Variants in MYO16 observed in about 807,000 individuals in gnomAD.
The protein encoded by MYO16 is myosin XVI, also known as unconventional myosin-XVI.
In MYO16, 94 loss-of-function variants were observed where a neutral mutation model predicts 205.3. The observed-to-expected ratio is 0.46, with a 90% confidence interval of 0.39 to 0.54. The LOEUF is 0.54. MYO16 is among the 20% of genes least tolerant of loss of function. The pLI is 0.00. For synonymous variants in MYO16, 988 were observed against 954.0 expected, an observed-to-expected ratio of 1.04 and a Z score of -0.66; for missense variants, 2,315 against 2,387.5, an observed-to-expected ratio of 0.97 and a Z score of 0.63.
intron 20 of MYO16, among the ~76,000 whole-genome samples, chr13:108,991,134 A>G (rs1196523794): frequency 6.6e-6 from 1 of 152,180 alleles, no homozygotes; most frequent in African/African-American, 2.4e-5. Flanking sequence ...CCCCTCCCAG[A>G]AATTCCAGAA....
At chr13:109,014,825 C>T (rs1395524448) in intron 22 of MYO16, among the ~76,000 whole-genome samples, 1 of 152,208 alleles carries the variant, frequency 6.6e-6, no homozygotes, top group African/African-American at 2.4e-5. Flanking sequence ...TATCCTGAGG[C>T]TTTGCTGAAA....
At chr13:108,898,945 C>T (rs1347344594) in intron 15 of MYO16, among the ~76,000 whole-genome samples, 2 of 151,966 alleles carry the variant, frequency 1.3e-5, no homozygotes, top group African/African-American at 2.4e-5. Context: ...TAAACATTTG[C>T]CAATTATTAT....
the MYO16 span, among the ~76,000 whole-genome samples, chr13:108,496,913 C>G: frequency 1.3e-5 from 2 of 152,182 alleles, no homozygotes; most frequent in African/African-American, 4.8e-5. Flanking sequence ...CTGCGTCTTC[C>G]AAAGGCAGAA....
chr13:108,782,943 G>A (rs188557143), intron 4 of MYO16, among the ~76,000 whole-genome samples: 16 of 152,318 alleles, frequency 1.1e-4, no homozygotes, highest in African/African-American at 3.8e-4. Flanking sequence ...TTTGCTGCAG[G>A]GGCGAGGCCC....
At chr13:108,534,295 T>G in the MYO16 span, among the ~76,000 whole-genome samples, 1 of 152,196 alleles carries the variant, frequency 6.6e-6, no homozygotes, top group African/African-American at 2.4e-5. Flanking sequence ...TTTCTACATA[T>G]TGTTATTGAA....
chr13:108,998,462 A>G (rs543443050), intron 21 of MYO16, among the ~76,000 whole-genome samples: 2 of 152,202 alleles, frequency 1.3e-5, no homozygotes, highest in African/African-American at 4.8e-5. Flanking sequence ...TATAAATTAG[A>G]TTTTCTCTGG....
intron 34 of MYO16, among the ~76,000 whole-genome samples, chr13:109,182,802 G>A (rs1393217649): frequency 1.3e-5 from 2 of 152,272 alleles, no homozygotes; most frequent in East Asian, 3.9e-4. Flanking sequence ...ATGTTGTACT[G>A]CATTATAACT....
the MYO16 span, among the ~76,000 whole-genome samples, chr13:108,503,536 G>A: frequency 6.6e-6 from 1 of 152,036 alleles, no homozygotes; most frequent in Non-Finnish European, 1.5e-5. Flanking sequence ...GCTCTTTGAA[G>A]ATCATTCAAG....
chr13:108,711,517 G>A (rs1038919399), intron 2 of MYO16, among the ~76,000 whole-genome samples: 16 of 152,174 alleles, frequency 1.1e-4, no homozygotes, highest in African/African-American at 2.9e-4. Context: ...GCTCACAGGC[G>A]GAGGCCTGTC....
At position 108,962,411 on chromosome 13, in the gene MYO16, G is replaced by T. The variant is rs1883623672; in HGVS notation, c.2156-13G>T. The T allele has an allele frequency of 6.3e-7, 1 of 1,597,740 alleles. No individual in the cohort carries two copies. Among genetic ancestry groups the T allele is most frequent in the Non-Finnish European group, 8.5e-7 (1 of 1,171,246 alleles). ...ATACTAACTTTATGTTTATAATGCT[G>T]ATTTAATTTTAGTGGCTGGAATGTT... On this transcript the variant is annotated splice_polypyrimidine_tract_variant and intron_variant, in intron 18 of 34. Coordinates refer to ENST00000457511, the MANE Select transcript of MYO16 (RefSeq NM_001198950.3).
At chr13:108,791,524 T>C (rs919182980) in intron 5 of MYO16, among the ~76,000 whole-genome samples, 4 of 152,222 alleles carry the variant, frequency 2.6e-5, no homozygotes, top group African/African-American at 9.6e-5. Context: ...CAACACCATT[T>C]TGCAGTTGAA....
At chr13:108,897,338 G>T (rs1880471753) in intron 14 of MYO16, among the ~76,000 whole-genome samples, 1 of 152,120 alleles carries the variant, frequency 6.6e-6, no homozygotes, top group Admixed American at 6.5e-5. Flanking sequence ...AAGAATTTCA[G>T]CCCCCAGGGT....
At position 108,675,711 on chromosome 13, in the gene MYO16, G is replaced by C. The variant is rs1204235662; in HGVS notation, c.292+9562G>C. On this transcript the variant is annotated intron_variant, in intron 2 of 34. Transcript: ENST00000457511. ...ATGAGTTTGGTAGGAAGAGAGAAAG[G>C]GACTTTTTGGCTGTAATCAATAGCG... 2.0e-5 allele frequency among the ~76,000 whole-genome samples: 3 copies of C among 152,280 alleles called. No individual in the cohort carries two copies. The East Asian group carries it at 5.8e-4, about 29-fold the overall frequency.
chr13:109,023,649 ATGTATATATGTATATATG>A (rs1886214861), intron 23 of MYO16, among the ~76,000 whole-genome samples: 1 of 129,064 alleles, frequency 7.7e-6, no homozygotes, highest in Non-Finnish European at 1.6e-5. Flanking sequence ...ATACAAATAT[ATGTATATATGTATATATG>A]CAAATATATG....
At position 109,125,483 on chromosome 13, in the gene MYO16, G is replaced by A. The variant is rs1259475678; in HGVS notation, c.3782+125G>A. The A allele has an allele frequency of 1.1e-5, 14 of 1,311,666 alleles. No homozygotes were observed. Among genetic ancestry groups the A allele is most frequent in the Admixed American group, 9.7e-5 (4 of 41,422 alleles). The allele number at this position is 1,311,666 out of a possible 1,614,324, so 81.3% of individuals were successfully genotyped here. On this transcript the variant is annotated intron_variant, in intron 30 of 34. Transcript: ENST00000457511. The surrounding 1 kb of genome is among the most constrained non-coding windows in gnomAD (Gnocchi z 4.0). ...ACAGGAGTTGCAGGAACAGGCATGC[G>A]TGGTTTGTTATTCGAAATGGCAGCA...
intron 1 of MYO16, among the ~76,000 whole-genome samples, chr13:108,632,830 C>G (rs1209208025): frequency 6.6e-6 from 1 of 152,088 alleles, no homozygotes; most frequent in African/African-American, 2.4e-5. Context: ...CAGGCCCCAG[C>G]TGAGGCGCAA....
At chr13:108,963,506 T>G (rs1002675415) in intron 19 of MYO16, among the ~76,000 whole-genome samples, 2 of 152,328 alleles carry the variant, frequency 1.3e-5, no homozygotes, top group South Asian at 4.1e-4. Flanking sequence ...ATTCTTTCCC[T>G]GCCTTACAGC....
intron 34 of MYO16, among the ~76,000 whole-genome samples, chr13:109,205,615 G>C (rs919899420): frequency 1.3e-5 from 2 of 151,824 alleles, no homozygotes; most frequent in African/African-American, 4.8e-5. Context: ...TACTTCCTTA[G>C]AATTGCCAGA....
intron 34 of MYO16, among the ~76,000 whole-genome samples, chr13:109,194,216 A>C (rs997467800): frequency 3.3e-5 from 5 of 152,142 alleles, no homozygotes; most frequent in African/African-American, 1.2e-4. Flanking sequence ...GTCCTATAGA[A>C]CCCACCACAG....
Sources: gnomAD v4.1 joint callset for allele counts (sites outside exome capture counted in the v4.1 genomes callset) on GRCh38, gnomAD v4.1.1 for gene constraint, Gnocchi (gnomAD v3.1) non-coding constraint, MANE v1.5 for transcripts, NCBI Gene and HGNC (gene_info 2026-07-23, HGNC 2026-07-21) for gene names.